LIMCH1: variants seen among roughly 807,000 people sequenced by gnomAD.
The protein encoded by LIMCH1 is LIM and calponin homology domains 1, also known as LIM and calponin homology domains-containing protein 1.
Under a neutral mutation model 176.5 loss-of-function variants are expected in LIMCH1, and 113 were observed. The observed-to-expected ratio is 0.64, with a 90% confidence interval of 0.55 to 0.75. The LOEUF is 0.75. LIMCH1 is among the 30% of genes least tolerant of loss of function. The pLI is 0.00. For missense variants in LIMCH1, 1,674 were observed against 1,814.9 expected, an observed-to-expected ratio of 0.92 and a Z score of 1.41; for synonymous variants, 619 against 645.9, an observed-to-expected ratio of 0.96 and a Z score of 0.63.
chr4:41,450,447 T>C (rs969453945), intron 1 of LIMCH1, among the ~76,000 whole-genome samples: 2 of 151,906 alleles, frequency 1.3e-5, no homozygotes, highest in Non-Finnish European at 2.9e-5. Context: ...GTGGAGTAAA[T>C]TTGCTGCATG....
At chr4:41,445,334 A>G (rs979755566) in intron 1 of LIMCH1, among the ~76,000 whole-genome samples, 6 of 152,114 alleles carry the variant, frequency 3.9e-5, no homozygotes, top group African/African-American at 1.2e-4. Flanking sequence ...TAGGAAGCCT[A>G]TTTATATCTC....
intron 3 of LIMCH1, among the ~76,000 whole-genome samples, chr4:41,525,725 A>G (rs532529726): frequency 1.3e-5 from 2 of 152,082 alleles, no homozygotes; most frequent in South Asian, 4.1e-4. Context: ...TATAAAATAA[A>G]TAATATATAA....
chr4:41,540,185 T>C (rs2078435882), intron 1 of LIMCH1, among the ~76,000 whole-genome samples: 1 of 152,210 alleles, frequency 6.6e-6, no homozygotes, highest in Non-Finnish European at 1.5e-5. Flanking sequence ...TATGTGGTTT[T>C]CATGAAGAGT....
At chr4:41,594,783 G>A (rs1162311914) in intron 1 of LIMCH1, among the ~76,000 whole-genome samples, 1 of 152,166 alleles carries the variant, frequency 6.6e-6, no homozygotes, top group Non-Finnish European at 1.5e-5. Flanking sequence ...GTTCAAAGGC[G>A]TGCATCCCAG....
chr4:41,387,557 C>T (rs1436793567), intron 1 of LIMCH1, among the ~76,000 whole-genome samples: 2 of 152,224 alleles, frequency 1.3e-5, no homozygotes, highest in African/African-American at 4.8e-5. Flanking sequence ...CAATGAGCCT[C>T]CTTCAACCTA....
chr4:41,546,729 C>T (rs1329140112), intron 1 of LIMCH1, among the ~76,000 whole-genome samples: 2 of 152,056 alleles, frequency 1.3e-5, no homozygotes, highest in African/African-American at 4.8e-5. Flanking sequence ...AGCTTTAGTA[C>T]AATCAGAGCA....
intron 13 of LIMCH1, 50 bp from the exon 14 acceptor site, chr4:41,638,882 T>C (rs2093702274): frequency 6.7e-7 from 1 of 1,486,186 alleles, no homozygotes; most frequent in Non-Finnish European, 9.4e-7. Context: ...TTGCTTACAG[T>C]GTTCACTTTC....
chr4:41,644,712 C>A, intron 15 of LIMCH1, 86 bp downstream of exon 15: 4 of 1,494,894 alleles, frequency 2.7e-6, no homozygotes, highest in Non-Finnish European at 3.6e-6. Context: ...GACTTGAAAG[C>A]CATGCGGGGA....
rs762405330 is a variant in LIMCH1, at chr4:41,455,642, C to CA, written c.97-38887dup. On this transcript the variant is annotated intron_variant, in intron 1 of 26. Transcript: ENST00000313860. ...ACTCAAAAAACAAAAAAACAAAAAA[C>CA]AAAAAAACCCAAATAAAACAGCTGT... 2.3e-4 allele frequency among the ~76,000 whole-genome samples: 35 copies of CA among 152,096 alleles called. 1 individual carries two copies. Among genetic ancestry groups the CA allele is most frequent in the Non-Finnish European group, 1.9e-4 (13 of 67,962 alleles).
At chr4:41,621,875 A>C (rs139492807) in intron 7 of LIMCH1, among the ~76,000 whole-genome samples, 1 of 151,794 alleles carries the variant, frequency 6.6e-6, no homozygotes, top group Non-Finnish European at 1.5e-5. Flanking sequence ...CACATTTTCC[A>C]TTTCTCTATA....
At chr4:41,636,760 A>G (rs771091115) in intron 13 of LIMCH1, among the ~76,000 whole-genome samples, 24 of 152,226 alleles carry the variant, frequency 1.6e-4, no homozygotes, top group Non-Finnish European at 2.8e-4. Context: ...GAAACAACTT[A>G]AATTCAGATA....
At chr4:41,523,306 C>T (rs142199749) in intron 2 of LIMCH1, among the ~76,000 whole-genome samples, 625 of 152,292 alleles carry the variant, frequency 4.1e-3, no homozygotes, top group African/African-American at 8.6e-3. Flanking sequence ...TTTGTGGCCC[C>T]TCAGGTCTCC....
At position 41,685,884 on chromosome 4, in the gene LIMCH1, G is replaced by A; in HGVS notation, c.4088+54G>A. 5 of 1,585,570 alleles carry A rather than the reference G, an allele frequency of 3.2e-6. 1 individual carries two copies. The South Asian group carries it at 5.8e-5, about 18-fold the overall frequency. ...ATTCCCTTTTTTAAAAATTCATTTA[G>A]TTAGAAGGGAGAAGAATGAAAAATG... On this transcript the variant is annotated intron_variant, in intron 28 of 31. Transcript: ENST00000503057.
chr4:41,423,666 T>G (rs779099872), intron 1 of LIMCH1, among the ~76,000 whole-genome samples: 6 of 152,054 alleles, frequency 3.9e-5, no homozygotes, highest in African/African-American at 7.3e-5. Context: ...GGACCAAAAG[T>G]CCTCTAAGCA....
At position 41,648,114 on chromosome 4, in the gene LIMCH1, G is replaced by C. The variant is rs183621594; in HGVS notation, c.2820+1221G>C. 1.7e-3 allele frequency among the ~76,000 whole-genome samples: 254 copies of C among 152,276 alleles called. 2 individuals are homozygous for C. The highest frequency in any genetic ancestry group is 5.9e-3 in the African/African-American group (246 of 41,552). On this transcript the variant is annotated intron_variant, in intron 17 of 31. Coordinates refer to ENST00000503057, the MANE Select transcript of LIMCH1 (RefSeq NM_001330672.2). ...AGTGGTCCACCTAAGTGTTTCAGAA[G>C]CTTTCCTTCACCTAGGGCCTATGAT...
intron 1 of LIMCH1, among the ~76,000 whole-genome samples, chr4:41,378,572 A>G (rs1347073974): frequency 1.3e-5 from 2 of 152,208 alleles, no homozygotes; most frequent in Non-Finnish European, 2.9e-5. Flanking sequence ...ATGTGATTAT[A>G]TTTTGGCAAG....
chr4:41,523,526 C>A (rs1204321545), intron 2 of LIMCH1, among the ~76,000 whole-genome samples: 5 of 152,200 alleles, frequency 3.3e-5, no homozygotes, highest in Admixed American at 2.0e-4. Context: ...TTCTAAGTTA[C>A]CTAATTGCCT....
intron 1 of LIMCH1, among the ~76,000 whole-genome samples, chr4:41,479,901 C>T (rs1315372085): frequency 6.6e-6 from 1 of 152,164 alleles, no homozygotes; most frequent in Non-Finnish European, 1.5e-5. Context: ...TCAGCACTTA[C>T]CAACCCAAAT....
chr4:41,663,496 T>C (rs2094705363), intron 20 of LIMCH1, among the ~76,000 whole-genome samples: 1 of 152,130 alleles, frequency 6.6e-6, no homozygotes, highest in South Asian at 2.1e-4. Context: ...TAATCATCTA[T>C]TTGTTAGCCA....
Sources: allele counts gnomAD v4.1 joint callset (sites outside exome capture counted in the v4.1 genomes callset), GRCh38; gene constraint gnomAD v4.1.1; transcripts MANE v1.5; gene names NCBI Gene and HGNC (gene_info 2026-07-23, HGNC 2026-07-21).